The following NEMP1 variants were observed in gnomAD, a reference collection of about 807,000 sequenced individuals.
NEMP1 encodes transmembrane protein 194.
In NEMP1, 29 loss-of-function variants were observed where a neutral mutation model predicts 53.7. The ratio of observed to expected loss-of-function variants is 0.54; its 90% CI spans 0.40 to 0.74. NEMP1 has a LOEUF of 0.74. Ranked by LOEUF, NEMP1 falls within the 30% of genes least tolerant of loss-of-function variation. The pLI is 0.00. For missense variants in NEMP1, 477 were observed against 528.6 expected, an observed-to-expected ratio of 0.90 and a Z score of 0.96; for synonymous variants, 193 against 192.9, an observed-to-expected ratio of 1.00 and a Z score of 0.00.
chr12:57,058,124 C>A lies in NEMP1; in HGVS notation c.*1755G>T, dbSNP rs2031616820. 6.6e-6 allele frequency: 1 copy of A among 152,190 alleles called. No homozygotes were observed. The highest frequency in any genetic ancestry group is 2.4e-5 in the African/African-American group (1 of 41,434). The allele number at this position is 152,190 out of a possible 1,614,324, so 9.4% of individuals were successfully genotyped here. On this transcript the variant is annotated 3_prime_UTR_variant, in exon 9 of 9. Transcript: ENST00000300128. ...CCATAGCATCTGCCCAAATACTGCT[C>A]ATTTTTCACTTTCTACTATATGTCT...
upstream of NEMP1, among the ~76,000 whole-genome samples, chr12:57,082,439 C>T (rs1161593834): frequency 6.6e-6 from 1 of 152,132 alleles, no homozygotes; most frequent in Non-Finnish European, 1.5e-5. Flanking sequence ...GTTGGCTAGC[C>T]TCAGTGGTTC....
upstream of NEMP1, among the ~76,000 whole-genome samples, chr12:57,079,561 T>C (rs1318156097): frequency 6.6e-6 from 1 of 152,232 alleles, no homozygotes; most frequent in East Asian, 1.9e-4. Flanking sequence ...GTTATTTATA[T>C]GGATTAGCTG....
chr12:57,063,754 G>T (rs1051677804), intron 6 of NEMP1, among the ~76,000 whole-genome samples: 3 of 152,116 alleles, frequency 2.0e-5, no homozygotes, highest in African/African-American at 7.2e-5. Flanking sequence ...TTTACTTAAG[G>T]TCCCCAAGTA....
intron 6 of NEMP1, among the ~76,000 whole-genome samples, chr12:57,063,593 T>TA (rs1275469552): frequency 6.6e-6 from 1 of 152,206 alleles, no homozygotes; most frequent in African/African-American, 2.4e-5. Flanking sequence ...TAGACTATTT[T>TA]AAAAAACCAA....
intron 7 of NEMP1, 100 bp downstream of exon 7, chr12:57,063,017 CAT>C: frequency 2.3e-6 from 2 of 875,130 alleles, no homozygotes; most frequent in South Asian, 3.3e-5. Flanking sequence ...AATGACTTTT[CAT>C]TAACAAAGAA....
At chr12:57,075,503 T>TC (rs2136514328) in intron 1 of NEMP1, among the ~76,000 whole-genome samples, 1 of 134,306 alleles carries the variant, frequency 7.4e-6, no homozygotes, top group Admixed American at 7.1e-5. Flanking sequence ...TCAATATCAA[T>TC]AAATAAATAA....
intron 1 of NEMP1, among the ~76,000 whole-genome samples, chr12:57,077,244 A>G (rs1177074373): frequency 6.6e-6 from 1 of 151,380 alleles, no homozygotes; most frequent in African/African-American, 2.4e-5. Context: ...AGGCAGGAGA[A>G]TGGCGTGAAC....
chr12:57,073,204 C>T (rs1163224379), intron 1 of NEMP1, among the ~76,000 whole-genome samples: 2 of 151,278 alleles, frequency 1.3e-5, no homozygotes, highest in Non-Finnish European at 2.9e-5. Context: ...TTGCCCAGGC[C>T]GGACTGCAGT....
intron 4 of NEMP1, among the ~76,000 whole-genome samples, chr12:57,067,151 C>CT (rs2032124290): frequency 6.6e-6 from 1 of 151,900 alleles, no homozygotes; most frequent in Non-Finnish European, 1.5e-5. Flanking sequence ...CGGTGAAACC[C>CT]GTCTCTACTA....
intron 1 of NEMP1, among the ~76,000 whole-genome samples, chr12:57,087,092 C>T (rs2033017936): frequency 6.6e-6 from 1 of 152,222 alleles, no homozygotes; most frequent in Non-Finnish European, 1.5e-5. Context: ...CTTCCCTCGT[C>T]CCTCTCTGGC....
chr12:57,084,026 G>A (rs1473344921), intron 1 of NEMP1, among the ~76,000 whole-genome samples: 2 of 151,702 alleles, frequency 1.3e-5, no homozygotes, highest in Non-Finnish European at 2.9e-5. Context: ...GCGATGGCGC[G>A]ATCTCGGCTC....
At chr12:57,081,342 C>G (rs1319076088), upstream of NEMP1, among the ~76,000 whole-genome samples, 1 of 152,074 alleles carries the variant, frequency 6.6e-6, no homozygotes, top group Non-Finnish European at 1.5e-5. Context: ...CTCCCAGGTT[C>G]AAGCGATTCT....
intron 2 of NEMP1, among the ~76,000 whole-genome samples, chr12:57,071,843 C>T (rs992643529): frequency 4.0e-5 from 6 of 151,602 alleles, no homozygotes; most frequent in African/African-American, 1.5e-4. Flanking sequence ...AAAACAAATC[C>T]ACAAGTCCAC....
chr12:57,066,400 T>C (rs774083418), intron 4 of NEMP1, among the ~76,000 whole-genome samples: 6 of 152,208 alleles, frequency 3.9e-5, no homozygotes, highest in Non-Finnish European at 4.4e-5. Context: ...TTAATTTCCT[T>C]CAAGAACTTT....
chr12:57,083,619 A>G (rs571819389), upstream of NEMP1, among the ~76,000 whole-genome samples: 1 of 152,394 alleles, frequency 6.6e-6, no homozygotes, highest in East Asian at 1.9e-4. Context: ...AAACAAATTA[A>G]TATTTCTGGA....
intron 5 of NEMP1, 89 bp downstream of exon 5, chr12:57,064,557 A>G (rs2031979798): frequency 2.1e-6 from 2 of 956,740 alleles, no homozygotes; most frequent in East Asian, 2.5e-5. Context: ...CCATCAATAC[A>G]CATTTTCAGT....
upstream of NEMP1, among the ~76,000 whole-genome samples, chr12:57,083,036 AAAAT>A (rs1230004348): frequency 2.0e-5 from 3 of 152,132 alleles, no homozygotes; most frequent in Admixed American, 1.3e-4. Context: ...TAAATAAAAT[AAAAT>A]AAAGGCTAAT....
At chr12:57,060,208 A>G (rs980107816) in intron 8 of NEMP1, 149 bp from the exon 9 acceptor site, 16 of 724,706 alleles carry the variant, frequency 2.2e-5, no homozygotes, top group Middle Eastern at 7.5e-4. Flanking sequence ...TCTGGCAGGT[A>G]AGTAGACTAA....
chr12:57,087,726 A>AT (rs2136536442), intron 1 of NEMP1, among the ~76,000 whole-genome samples: 1 of 151,570 alleles, frequency 6.6e-6, no homozygotes, highest in South Asian at 2.1e-4. Context: ...CACGGCCTCC[A>AT]CGCCCCGCCA....
Sources: allele counts gnomAD v4.1 joint callset (sites outside exome capture counted in the v4.1 genomes callset), GRCh38; gene constraint gnomAD v4.1.1; transcripts MANE v1.5; gene names NCBI Gene and HGNC (gene_info 2026-07-23, HGNC 2026-07-21).